Variants in SPON1 observed in about 807,000 individuals in gnomAD.
The protein encoded by SPON1 is spondin-1.
In SPON1, 52 loss-of-function variants were observed where a neutral mutation model predicts 111.7. The ratio of observed to expected loss-of-function variants is 0.47; its 90% CI spans 0.37 to 0.59. The LOEUF (loss-of-function observed/expected upper bound fraction) is 0.59. Ranked by LOEUF, SPON1 falls within the 20% of genes least tolerant of loss-of-function variation. The pLI is 0.00. For synonymous variants in SPON1, 410 were observed against 395.8 expected (o/e 1.04, Z -0.43); for missense variants, 957 against 1,068.5 (o/e 0.90, Z 1.46).
chr11:14,201,331 C>G (rs538921049), intron 6 of SPON1, among the ~76,000 whole-genome samples: 20 of 134,362 alleles, frequency 1.5e-4, no homozygotes, highest in Admixed American at 3.2e-4. Context: ...CAGAGCGAGA[C>G]CCCATTTAAC....
chr11:13,970,069 T>C (rs1030878448), intron 1 of SPON1, among the ~76,000 whole-genome samples: 21 of 152,236 alleles, frequency 1.4e-4, no homozygotes, highest in Non-Finnish European at 2.9e-5. Flanking sequence ...AGTGTGCAGT[T>C]GTGTTTGATT....
intron 5 of SPON1, among the ~76,000 whole-genome samples, chr11:14,082,096 G>T (rs1307634252): frequency 6.6e-6 from 1 of 152,108 alleles, no homozygotes; most frequent in Non-Finnish European, 1.5e-5. Flanking sequence ...TAAAATGTTA[G>T]GGGCCCGTTA....
intron 6 of SPON1, among the ~76,000 whole-genome samples, chr11:14,197,794 G>A (rs73426146): frequency 1.8e-3 from 274 of 152,232 alleles, no homozygotes; most frequent in African/African-American, 6.5e-3. Flanking sequence ...CAGCCTGGGT[G>A]ACAGAGCGAG....
intron 2 of SPON1, among the ~76,000 whole-genome samples, chr11:14,039,220 G>T (rs1422202189): frequency 6.6e-6 from 1 of 152,108 alleles, no homozygotes; most frequent in Non-Finnish European, 1.5e-5. Flanking sequence ...GGATTTCTGG[G>T]CCAGTGAAAC....
intron 3 of SPON1, among the ~76,000 whole-genome samples, chr11:14,049,518 C>G (rs1415411340): frequency 6.6e-6 from 1 of 152,168 alleles, no homozygotes; most frequent in Non-Finnish European, 1.5e-5. Context: ...TGACCTTCAC[C>G]AGGTTCCTCA....
intron 2 of SPON1, among the ~76,000 whole-genome samples, chr11:13,988,349 C>T (rs1258774116): frequency 1.3e-5 from 2 of 152,090 alleles, no homozygotes; most frequent in Non-Finnish European, 2.9e-5. Context: ...ATTTGGCTCT[C>T]TGTTTGTCTG....
chr11:14,080,136 C>T, intron 5 of SPON1, 115 bp downstream of exon 5: 2 of 1,196,830 alleles, frequency 1.7e-6, no homozygotes, highest in Non-Finnish European at 2.4e-6. Context: ...TTGGCTGGTT[C>T]ATGAAATGCA....
chr11:14,153,403 A>T (rs1389026104), intron 6 of SPON1, among the ~76,000 whole-genome samples: 3 of 152,196 alleles, frequency 2.0e-5, no homozygotes, highest in Non-Finnish European at 2.9e-5. Context: ...CAGAAGGTGA[A>T]GGGGAAGCCA....
At chr11:14,175,494 G>A (rs7943972) in intron 6 of SPON1, among the ~76,000 whole-genome samples, 152,254 of 152,270 alleles carry the variant, frequency 1, 76,119 homozygotes, top group Non-Finnish European at 1. Flanking sequence ...ATGCTATCCT[G>A]TGATACCCCT....
chr11:14,138,834 C>T (rs188023509), intron 6 of SPON1, among the ~76,000 whole-genome samples: 181 of 152,254 alleles, frequency 1.2e-3, no homozygotes, highest in African/African-American at 4.2e-3. Context: ...GTTATTCAGG[C>T]TAGAATCCTT....
intron 3 of SPON1, among the ~76,000 whole-genome samples, chr11:14,065,420 T>A (rs1554920266): frequency 6.6e-6 from 1 of 152,144 alleles, no homozygotes. Context: ...CTGGGGCGAT[T>A]ATATGATTAC....
At chr11:13,969,641 G>T (rs1407166841) in intron 1 of SPON1, among the ~76,000 whole-genome samples, 2 of 152,068 alleles carry the variant, frequency 1.3e-5, no homozygotes, top group Non-Finnish European at 2.9e-5. Flanking sequence ...CATTAGGATG[G>T]GACTACAGGG....
At chr11:14,132,630 T>C (rs1554927634) in intron 5 of SPON1, among the ~76,000 whole-genome samples, 1 of 152,190 alleles carries the variant, frequency 6.6e-6, no homozygotes, top group South Asian at 2.1e-4. Context: ...CTCCTCAGTG[T>C]CCAGGGCCCG....
Position 14,255,764 on chromosome 11 carries a change from G to A in SPON1, c.1210G>A (p.Val404Ile), listed in dbSNP as rs1355253842. The A allele has an allele frequency of 1.9e-6, 3 of 1,613,746 alleles. No homozygotes were observed. The highest frequency in any genetic ancestry group is 3.3e-5 in the Admixed American group (2 of 59,988). The change falls in exon 9 of 16, where the codon GTC becomes ATC. Residue 404 changes from valine (V) to isoleucine (I), a missense_variant. Val to Ile is a conservative substitution (Grantham distance 29). Transcript: ENST00000576479. ...GTCCATCACTCAAGTAGCCAGAGTTGTCATCGAGAGAATCGCACGGAAGGT... is the reference window on the plus strand; with the variant it reads ...GTCCATCACTCAAGTAGCCAGAGTTATCATCGAGAGAATCGCACGGAAGGT... ...GGSITQVARV[V>I]IERIARKGEQ...
rs1847557120 is a variant in SPON1, at chr11:14,133,818, T to G, written c.677-1602T>G. On this transcript the variant is annotated intron_variant, in intron 5 of 15. Coordinates refer to ENST00000576479, the MANE Select transcript of SPON1 (RefSeq NM_006108.4). ...TGAGAGATGAAGGATAAACATGGGG[T>G]CTGCATTTTCCCGATGTGTAGGAAA... Among the ~76,000 whole-genome samples the G allele has an allele frequency of 5.9e-5, 9 of 152,214 alleles. No individual in the cohort carries two copies. The South Asian group carries it at 1.9e-3, about 32-fold the overall frequency.
intron 6 of SPON1, among the ~76,000 whole-genome samples, chr11:14,187,765 C>T (rs1448698796): frequency 6.8e-6 from 1 of 147,912 alleles, no homozygotes; most frequent in Non-Finnish European, 1.5e-5. Context: ...CAGGAGTGTG[C>T]CACCATGCCC....
intron 5 of SPON1, among the ~76,000 whole-genome samples, chr11:14,101,512 T>C (rs1352568322): frequency 6.6e-6 from 1 of 152,166 alleles, no homozygotes; most frequent in African/African-American, 2.4e-5. Context: ...ATTTATTTTT[T>C]GTCAAATATT....
chr11:14,160,739 A>ATATATATATTTATATAT (rs1333343096), intron 6 of SPON1, among the ~76,000 whole-genome samples: 2 of 25,290 alleles, frequency 7.9e-5, no homozygotes, highest in African/African-American at 2.7e-4. Context: ...ATATATATTT[A>ATATATATATTTATATAT]ATTTATATAT....
At chr11:14,093,268 A>G (rs1450182068) in intron 5 of SPON1, among the ~76,000 whole-genome samples, 4 of 152,242 alleles carry the variant, frequency 2.6e-5, no homozygotes, top group African/African-American at 9.6e-5. Context: ...CAAGGTGACT[A>G]GGCAGTGTAA....
Sources: allele counts gnomAD v4.1 joint callset (sites outside exome capture counted in the v4.1 genomes callset), GRCh38; gene constraint gnomAD v4.1.1; transcripts MANE v1.5; gene names NCBI Gene and HGNC (gene_info 2026-07-23, HGNC 2026-07-21).